Variants in TNR observed in about 807,000 individuals in gnomAD.
TNR encodes the protein tenascin-R.
Under a neutral mutation model 150.4 loss-of-function variants are expected in TNR, and 45 were observed. The ratio of observed to expected loss-of-function variants is 0.30; its 90% CI spans 0.24 to 0.38. The LOEUF (loss-of-function observed/expected upper bound fraction) is 0.38, where lower values mean the gene tolerates loss of function less well. TNR is among the 10% of genes least tolerant of loss of function. The pLI is 1.00. For synonymous variants in TNR, 687 were observed against 678.4 expected, an observed-to-expected ratio of 1.01 and a Z score of -0.20; for missense variants, 1,544 against 1,759.1, an observed-to-expected ratio of 0.88 and a Z score of 2.19.
In TNR at chr1:175,324,400, G is replaced by T. The variant is rs778628919; in HGVS notation, c.3913C>A (p.Arg1305=). Residue 1305 remains arginine, a synonymous_variant, in exon 22 of 23, where the codon CGG becomes AGG. Transcript: ENST00000367674. ...KGAWWYKNCH[R]TNLNGKYGES... ...CCGTACTTCCCATTGAGGTTGGTCC[G>T]GTGGCAGTTCTTATACCACCATGCT... The T allele has an allele frequency of 1.9e-5, 30 of 1,614,034 alleles. No homozygotes were observed. The highest frequency in any genetic ancestry group is 3.3e-5 in the Admixed American group (2 of 60,014).
At position 175,359,449 on chromosome 1, in the gene TNR, A is replaced by C. The variant is rs566995516; in HGVS notation, c.2974+163T>G. Among the ~76,000 whole-genome samples, 9 of 152,128 alleles carry C rather than the reference A, an allele frequency of 5.9e-5. No homozygotes were observed. In the South Asian group the frequency reaches 1.9e-3, roughly 32 times the overall value. Reference sequence around the variant, plus strand: ...GTGTGAGCCACGATGCCCAGCATAGAGTTTGGGGATATCTTGAGGGCTTCA... The same window carrying C: ...GTGTGAGCCACGATGCCCAGCATAGCGTTTGGGGATATCTTGAGGGCTTCA... On this transcript the variant is annotated intron_variant, in intron 15 of 22. Transcript: ENST00000367674.
chr1:175,687,385 C>T (rs183846359), intron 1 of TNR, among the ~76,000 whole-genome samples: 7 of 152,272 alleles, frequency 4.6e-5, no homozygotes, highest in East Asian at 1.9e-4. Context: ...CCCTGCATTA[C>T]GGTCTTCTTA....
chr1:175,356,309 A>T lies in TNR; in HGVS notation c.3118+10T>A, dbSNP rs762401732. The T allele has an allele frequency of 6.2e-7, 1 of 1,613,940 alleles. No individual in the cohort carries two copies. The highest frequency in any genetic ancestry group is 1.3e-5 in the African/African-American group (1 of 75,038). ...CAGGGATACGGGTATGTAGGTGACC[A>T]TGTACTCACGAGTAGAAAAGTTGGT... On this transcript the variant is annotated intron_variant, in intron 16 of 22. Transcript: ENST00000367674.
At chr1:175,574,585 A>C (rs1297043896) in intron 1 of TNR, among the ~76,000 whole-genome samples, 1 of 151,320 alleles carries the variant, frequency 6.6e-6, no homozygotes, top group Non-Finnish European at 1.5e-5. Flanking sequence ...ACACTTGTAC[A>C]TACACACACA....
At chr1:175,737,776 CA>C (rs1427551910) in intron 1 of TNR, among the ~76,000 whole-genome samples, 12 of 152,310 alleles carry the variant, frequency 7.9e-5, no homozygotes, top group African/African-American at 2.6e-4. Context: ...GTGCCCTTGG[CA>C]GTGCCCTGCT....
chr1:175,661,764 C>A (rs535709401), intron 1 of TNR, among the ~76,000 whole-genome samples: 4 of 151,238 alleles, frequency 2.6e-5, no homozygotes, highest in Non-Finnish European at 5.9e-5. Context: ...TTTCCTCCCC[C>A]TCTACATCTG....
At chr1:175,547,422 C>A (rs74127338) in intron 1 of TNR, among the ~76,000 whole-genome samples, 6,268 of 152,154 alleles carry the variant, frequency 0.041, 435 homozygotes, top group African/African-American at 0.14. Flanking sequence ...AGTCTGCAGA[C>A]CCCTGTGTGC....
At chr1:175,648,533 A>G (rs1290545923) in intron 1 of TNR, among the ~76,000 whole-genome samples, 1 of 152,110 alleles carries the variant, frequency 6.6e-6, no homozygotes, top group African/African-American at 2.4e-5. Flanking sequence ...TCACCATTTC[A>G]GATTGTCTAT....
At chr1:175,474,267 T>C (rs189596560) in intron 2 of TNR, among the ~76,000 whole-genome samples, 82 of 152,240 alleles carry the variant, frequency 5.4e-4, no homozygotes, top group Admixed American at 9.8e-4. Flanking sequence ...AGATAAGGCC[T>C]TTAAAGAGAT....
intron 2 of TNR, among the ~76,000 whole-genome samples, chr1:175,482,845 C>T (rs1405011633): frequency 5.3e-5 from 8 of 152,160 alleles, no homozygotes; most frequent in Non-Finnish European, 1.2e-4. Flanking sequence ...AAGCCTGTCA[C>T]CCTCCCTGGG....
At chr1:175,532,270 C>T (rs1223765157) in intron 1 of TNR, among the ~76,000 whole-genome samples, 1 of 152,230 alleles carries the variant, frequency 6.6e-6, no homozygotes, top group East Asian at 1.9e-4. Flanking sequence ...TCAATTCTCA[C>T]AGCAGTTGGT....
intron 2 of TNR, among the ~76,000 whole-genome samples, chr1:175,509,438 C>T (rs187886928): frequency 3.9e-5 from 6 of 152,228 alleles, no homozygotes; most frequent in African/African-American, 9.6e-5. Flanking sequence ...TCTTCTGCTC[C>T]GAGTTTTTCT....
Position 175,354,461 on chromosome 1 carries a change from G to C in TNR, c.3312C>G (p.Asp1104Glu). The C allele has an allele frequency of 2.5e-6, 4 of 1,614,118 alleles. No individual in the cohort carries two copies. The highest frequency in any genetic ancestry group is 1.7e-5 in the Admixed American group (1 of 60,030). Residue 1104 changes from aspartate to glutamate, a missense_variant, in exon 18 of 23, where the codon GAC becomes GAG. Around this residue, in one of 2 missense-constraint regions of TNR, gnomAD observed 290 missense variants for 429.7 expected, o/e 0.67. Transcript: ENST00000367674. The stretch of plus-strand genomic sequence containing the variant: ...GTGCTGCCTGCAGGAGCACCGTGTA[G>C]TCTGTGTTCTCCAACAGGCCCTCCA... ...IRLEGLLENT[D>E]YTVLLQAAQD...
chr1:175,604,137 C>G (rs1326122154), intron 1 of TNR, among the ~76,000 whole-genome samples: 1 of 152,040 alleles, frequency 6.6e-6, no homozygotes, highest in Non-Finnish European at 1.5e-5. Flanking sequence ...CCCCGCTCCC[C>G]TCTTCTAATG....
chr1:175,422,802 G>A (rs1166622514), intron 2 of TNR, among the ~76,000 whole-genome samples: 1 of 152,200 alleles, frequency 6.6e-6, no homozygotes, highest in East Asian at 1.9e-4. Flanking sequence ...TGGTTTCCTG[G>A]ATTACACAGG....
At chr1:175,576,230 G>T (rs568845671) in intron 1 of TNR, among the ~76,000 whole-genome samples, 2 of 152,172 alleles carry the variant, frequency 1.3e-5, no homozygotes, top group Non-Finnish European at 2.9e-5. Context: ...CTGTGACAGG[G>T]TCTATCACCA....
At chr1:175,658,681 AC>A (rs1665270070) in intron 1 of TNR, among the ~76,000 whole-genome samples, 1 of 152,044 alleles carries the variant, frequency 6.6e-6, no homozygotes, top group Non-Finnish European at 1.5e-5. Flanking sequence ...TACCACTCAA[AC>A]CTTTGGTGGG....
Position 175,602,203 on chromosome 1 carries a change from C to CAAAAA in TNR, c.-164-73839_-164-73835dup, listed in dbSNP as rs57341654. ...CTGACTCTAATCCAAGGACCAAAGG[C>CAAAAA]AAAAAAAAAAAAAAAAAAAAAAAAA... On this transcript the variant is annotated intron_variant, in intron 1 of 22. Transcript: ENST00000367674. Among the ~76,000 whole-genome samples the CAAAAA allele has an allele frequency of 9.2e-4, 28 of 30,556 alleles. 1 individual carries two copies. Among genetic ancestry groups the CAAAAA allele is most frequent in the Non-Finnish European group, 1.8e-3 (25 of 14,034 alleles). 20.0% of individuals were successfully genotyped at this position (30,556 alleles called of 152,430 possible).
At chr1:175,515,934 T>C (rs928127818) in intron 2 of TNR, among the ~76,000 whole-genome samples, 2 of 152,162 alleles carry the variant, frequency 1.3e-5, no homozygotes, top group Non-Finnish European at 2.9e-5. Flanking sequence ...AGTAGGAAAG[T>C]GGCAAACCTG....
Sources: allele counts gnomAD v4.1 joint callset (sites outside exome capture counted in the v4.1 genomes callset), GRCh38; gene constraint gnomAD v4.1.1; regional missense constraint gnomAD v4.1.1; transcripts MANE v1.5; gene names NCBI Gene and HGNC (gene_info 2026-07-23, HGNC 2026-07-21).